The following CCNL2 variants were observed in gnomAD, a reference collection of about 807,000 sequenced individuals.
CCNL2 encodes cyclin-L2.
Under a neutral mutation model 59.1 loss-of-function variants are expected in CCNL2, and 28 were observed. The ratio of observed to expected loss-of-function variants is 0.47; its 90% CI spans 0.35 to 0.65. The LOEUF (loss-of-function observed/expected upper bound fraction) is 0.65. CCNL2 is among the 30% of genes least tolerant of loss of function. CCNL2 has a pLI of 0.00. For synonymous variants in CCNL2, 342 were observed against 288.6 expected (o/e 1.19, Z -1.88); for missense variants, 714 against 717.4 (o/e 1.00, Z 0.05).
chr1:1,392,754 C>T, intron 5 of CCNL2: 1 of 1,609,252 alleles, frequency 6.2e-7, no homozygotes, highest in Non-Finnish European at 8.5e-7. Context: ...TGCACCAAAG[C>T]GCTTGGACAG....
chr1:1,399,088 T>C lies in CCNL2; in HGVS notation c.219A>G (p.Thr73=), dbSNP rs1426922005. The change falls in exon 1 of 11, where the codon ACA becomes ACG. Residue 73 remains threonine (T), a synonymous_variant. Transcript: ENST00000400809. ...PSMSSGLDTD[T]ETDLRVVGCE... ...AGCCCACCACGCGGAGGTCGGTCTC[T>C]GTGTCGGTGTCGAGGCCGCTCGACA... is the stretch of plus-strand genomic sequence containing the variant. 6.2e-6 allele frequency: 10 copies of C among 1,611,594 alleles called. No homozygotes were observed. Among genetic ancestry groups the C allele is most frequent in the South Asian group, 1.1e-5 (1 of 90,960 alleles).
intron 3 of CCNL2, 134 bp downstream of exon 3, chr1:1,398,099 G>A (rs936106312): frequency 2.0e-5 from 16 of 806,970 alleles, no homozygotes; most frequent in African/African-American, 1.6e-4. Context: ...GGTGGAGCTT[G>A]AGACTGCGCT....
intron 3 of CCNL2, among the ~76,000 whole-genome samples, chr1:1,397,143 A>G (rs776186518): frequency 6.6e-6 from 1 of 152,168 alleles, no homozygotes; most frequent in Non-Finnish European, 1.5e-5. Context: ...AGGCCTCCCA[A>G]CGTGCTGGGA....
chr1:1,390,175 A>G (rs189208343), intron 8 of CCNL2, 55 bp downstream of exon 8: 3 of 1,501,020 alleles, frequency 2.0e-6, no homozygotes, highest in East Asian at 2.3e-5. Flanking sequence ...GGCGGGGGAG[A>G]GTCACCAGTC....
intron 4 of CCNL2, among the ~76,000 whole-genome samples, chr1:1,394,752 GAAAAAAAAAAAA>G (rs745453245): frequency 0.051 from 2,164 of 42,850 alleles, 97 homozygotes; most frequent in African/African-American, 0.15. Flanking sequence ...TCCGTCTCAA[GAAAAAAAAAAAA>G]AAAAAAAAAA....
At chr1:1,392,640 C>A in intron 5 of CCNL2, 3 of 1,476,006 alleles carry the variant, frequency 2.0e-6, no homozygotes, top group Non-Finnish European at 1.8e-6. Context: ...CGTCAGAGAA[C>A]CACAGCAGGA....
chr1:1,396,938 G>A (rs1645067618), intron 3 of CCNL2, among the ~76,000 whole-genome samples: 1 of 151,798 alleles, frequency 6.6e-6, no homozygotes, highest in African/African-American at 2.4e-5. Flanking sequence ...TTTAGTAGAC[G>A]GGGTTTCACC....
intron 3 of CCNL2, among the ~76,000 whole-genome samples, chr1:1,396,039 C>T (rs1440724330): frequency 6.6e-6 from 1 of 151,464 alleles, no homozygotes; most frequent in Non-Finnish European, 1.5e-5. Flanking sequence ...ATTAGCCGGG[C>T]GTGGTGGCGG....
intron 5 of CCNL2, 38 bp from the exon 6 acceptor site, chr1:1,390,903 C>A (rs371443797): frequency 2.1e-4 from 324 of 1,549,496 alleles, no homozygotes; most frequent in Admixed American, 7.2e-4. Flanking sequence ...AATGCCCCAC[C>A]CGGGAACCCA....
intron 8 of CCNL2, 109 bp from the exon 9 acceptor site, chr1:1,388,174 C>T (rs1209170473): frequency 2.5e-6 from 2 of 809,960 alleles, no homozygotes; most frequent in Non-Finnish European, 4.1e-6. Flanking sequence ...GCGACGCAAG[C>T]AGACTGTAAC....
intron 5 of CCNL2, chr1:1,392,647 A>G: frequency 6.7e-7 from 1 of 1,487,032 alleles, no homozygotes; most frequent in East Asian, 2.5e-5. Flanking sequence ...GAACCACAGC[A>G]GGAGTCGGCC....
chr1:1,388,509 CTCT>C (rs1290344774), intron 8 of CCNL2: 1 of 454,264 alleles, frequency 2.2e-6, no homozygotes, highest in Non-Finnish European at 4.4e-6. Context: ...CACAGCGAGA[CTCT>C]GTCTCAAGAA....
Position 1,387,807 on chromosome 1 carries a change from G to A in CCNL2, c.1181C>T (p.Ser394Phe). 1.9e-6 allele frequency: 3 copies of A among 1,613,256 alleles called. No individual in the cohort carries two copies. The highest frequency in any genetic ancestry group is 1.7e-6 in the Non-Finnish European group (2 of 1,179,808). Reference sequence around the variant, plus strand: ...CTTAGGAGACGCTGATCGGGATGGGGACCTCGAGTAGCTCTGCTCACGGCT... The same window carrying A: ...CTTAGGAGACGCTGATCGGGATGGGAACCTCGAGTAGCTCTGCTCACGGCT... ...SRSREQSYSR[S>F]PSRSASPKRR... Residue 394 changes from serine (S) to phenylalanine (F), a missense_variant, in exon 10 of 11, where the codon TCC becomes TTC. Coordinates refer to ENST00000400809, the MANE Select transcript of CCNL2 (RefSeq NM_030937.6).
At position 1,399,238 on chromosome 1, in the gene CCNL2, C is replaced by T. The variant is rs745314217; in HGVS notation, c.69G>A (p.Pro23=). The change falls in exon 1 of 11, where the codon CCG becomes CCA. Residue 23 remains proline, a synonymous_variant. Coordinates refer to ENST00000400809, the MANE Select transcript of CCNL2 (RefSeq NM_030937.6). ...SAAPAAAAGA[P]GSGGAPSGSQ... is the part of the protein sequence containing the mutation. ...ACCCTGAGGGTGCGCCCCCAGATCC[C>T]GGGGCGCCGGCCGCTGCCGCGGGAG... 9 of 1,591,016 alleles carry T rather than the reference C, an allele frequency of 5.7e-6. No individual in the cohort carries two copies. Among genetic ancestry groups the T allele is most frequent in the South Asian group, 1.1e-5 (1 of 88,972 alleles).
At chr1:1,396,738 C>G (rs944285625) in intron 3 of CCNL2, among the ~76,000 whole-genome samples, 1 of 151,186 alleles carries the variant, frequency 6.6e-6, no homozygotes, top group South Asian at 2.1e-4. Flanking sequence ...CGCAACCACA[C>G]CCGGCTAATT....
At position 1,390,441 on chromosome 1, in the gene CCNL2, G is replaced by GA; in HGVS notation, c.864+17dup. ...CCAAACACAAACGCATACGTTACAT[G>GA]AAAAAATGCCGAAGAACCTTTTTCC... is the stretch of plus-strand genomic sequence containing the variant. On this transcript the variant is annotated intron_variant, in intron 7 of 10. Transcript: ENST00000400809. 1 of 1,612,140 alleles carries GA rather than the reference G, an allele frequency of 6.2e-7. No individual in the cohort carries two copies. The highest frequency in any genetic ancestry group is 8.5e-7 in the Non-Finnish European group (1 of 1,179,216).
intron 5 of CCNL2, chr1:1,391,412 G>T: frequency 8.4e-7 from 1 of 1,194,924 alleles, no homozygotes; most frequent in Non-Finnish European, 1.1e-6. Context: ...TCTGCTGACC[G>T]AGCTGCAGCT....
chr1:1,390,428 G>A (rs534260083), intron 7 of CCNL2, 31 bp downstream of exon 7: 21 of 1,612,416 alleles, frequency 1.3e-5, no homozygotes, highest in South Asian at 4.4e-5. Context: ...AAACACAAAC[G>A]CATACGTTAC....
intron 3 of CCNL2, among the ~76,000 whole-genome samples, chr1:1,397,132 T>C (rs1045241500): frequency 6.6e-6 from 1 of 152,210 alleles, no homozygotes; most frequent in African/African-American, 2.4e-5. Flanking sequence ...TCCACCTGCC[T>C]AGGCCTCCCA....
Sources: gnomAD v4.1 joint callset for allele counts (sites outside exome capture counted in the v4.1 genomes callset) on GRCh38, gnomAD v4.1.1 for gene constraint, MANE v1.5 for transcripts, NCBI Gene and HGNC (gene_info 2026-07-23, HGNC 2026-07-21) for gene names.